IL34: variants seen among roughly 807,000 people sequenced by gnomAD.
IL34 encodes interleukin 34, also known as interleukin-34.
IL34 carries 17 observed loss-of-function variants against 25.3 expected under a neutral mutation model. That is an observed-to-expected ratio of 0.67 (90% CI 0.46 to 1.01). IL34 has a LOEUF of 1.01. Ranked by LOEUF, IL34 falls within the 50% of genes least tolerant of loss-of-function variation. The pLI is 0.00. For synonymous variants in IL34, 174 were observed against 140.9 expected, an observed-to-expected ratio of 1.23 and a Z score of -1.66; for missense variants, 368 against 312.9, an observed-to-expected ratio of 1.18 and a Z score of -1.33.
At chr16:70,640,780 G>T (rs929671116) in intron 1 of IL34, among the ~76,000 whole-genome samples, 1 of 151,918 alleles carries the variant, frequency 6.6e-6, no homozygotes, top group Non-Finnish European at 1.5e-5. Context: ...ATATACCAAC[G>T]CTTCATTCAG....
chr16:70,631,692 T>C (rs1355721888), intron 1 of IL34, among the ~76,000 whole-genome samples: 1 of 152,134 alleles, frequency 6.6e-6, no homozygotes, highest in Non-Finnish European at 1.5e-5. Context: ...GAAAAACCTT[T>C]AGGTTCTTGG....
intron 1 of IL34, among the ~76,000 whole-genome samples, chr16:70,612,930 GCC>G (rs1395710806): frequency 6.6e-6 from 1 of 152,074 alleles, no homozygotes. Context: ...GGATCACCAC[GCC>G]CAGCTAATTT....
At chr16:70,612,993 G>A (rs373079047) in intron 1 of IL34, among the ~76,000 whole-genome samples, 5 of 152,134 alleles carry the variant, frequency 3.3e-5, no homozygotes, top group East Asian at 3.9e-4. Context: ...GGCTGGTCTC[G>A]AACTCCTGAC....
chr16:70,607,379 C>T (rs1055114927), intron 1 of IL34, among the ~76,000 whole-genome samples: 1 of 152,210 alleles, frequency 6.6e-6, no homozygotes, highest in Non-Finnish European at 1.5e-5. Context: ...GCTGGGAGTA[C>T]AGGCATTGAG....
At chr16:70,642,717 T>C (rs1456497935), upstream of IL34, among the ~76,000 whole-genome samples, 3 of 152,194 alleles carry the variant, frequency 2.0e-5, no homozygotes, top group Non-Finnish European at 2.9e-5. Flanking sequence ...GGTTACAACT[T>C]CAACACATGT....
chr16:70,581,486 G>A (rs2050635784), intron 1 of IL34, among the ~76,000 whole-genome samples: 1 of 151,576 alleles, frequency 6.6e-6, no homozygotes, highest in Admixed American at 6.6e-5. Context: ...GAATACTCTG[G>A]GCCAAGGGCA....
chr16:70,643,097 C>T (rs1056276044), upstream of IL34, among the ~76,000 whole-genome samples: 1 of 152,142 alleles, frequency 6.6e-6, no homozygotes, highest in Non-Finnish European at 1.5e-5. Flanking sequence ...GGATCTCACT[C>T]TGTCACCCAG....
intron 1 of IL34, among the ~76,000 whole-genome samples, chr16:70,596,564 C>T (rs1417691390): frequency 6.6e-6 from 1 of 152,138 alleles, no homozygotes; most frequent in East Asian, 1.9e-4. Flanking sequence ...ACTGGCATCC[C>T]ATTTCCCACC....
At chr16:70,594,935 A>ATCTCTC (rs1195224912) in intron 1 of IL34, among the ~76,000 whole-genome samples, 1 of 145,278 alleles carries the variant, frequency 6.9e-6, no homozygotes, top group Admixed American at 6.8e-5. Context: ...ATTTCAATTT[A>ATCTCTC]TCTCTCTCTC....
At chr16:70,610,057 C>G (rs1416007262) in intron 1 of IL34, among the ~76,000 whole-genome samples, 1 of 152,114 alleles carries the variant, frequency 6.6e-6, no homozygotes, top group African/African-American at 2.4e-5. Flanking sequence ...CAAAAATTAG[C>G]CAGGTGTGGT....
chr16:70,605,692 T>C (rs146905847), intron 1 of IL34, among the ~76,000 whole-genome samples: 313 of 152,290 alleles, frequency 2.1e-3, no homozygotes, highest in Admixed American at 3.3e-3. Context: ...TTTTCTTTCA[T>C]GGAGTTTCAC....
At chr16:70,642,883 CAGAA>C (rs57090596), upstream of IL34, among the ~76,000 whole-genome samples, 32,206 of 151,726 alleles carry the variant, frequency 0.21, 5,470 homozygotes, top group African/African-American at 0.48. Context: ...TCCATAGAGA[CAGAA>C]AGAATATTAG....
chr16:70,598,126 A>C (rs2050851238), intron 1 of IL34, among the ~76,000 whole-genome samples: 1 of 152,130 alleles, frequency 6.6e-6, no homozygotes, highest in South Asian at 2.1e-4. Flanking sequence ...TATTACAGGC[A>C]TAAGGCACCG....
intron 1 of IL34, among the ~76,000 whole-genome samples, chr16:70,648,269 A>G (rs1289286734): frequency 6.6e-6 from 1 of 152,162 alleles, no homozygotes; most frequent in Non-Finnish European, 1.5e-5. Flanking sequence ...AATGAAAGGC[A>G]AGGGATGCTG....
chr16:70,646,838 A>T lies in IL34; in HGVS notation c.-110A>T. ...CTCCTCCAGGGCCAGCCCTTCCCTG[A>T]CTGAGTGACCACCTCTGCTGCCCCG... On this transcript the variant is annotated 5_prime_UTR_variant, in exon 1 of 6. Coordinates refer to ENST00000288098, the MANE Select transcript of IL34 (RefSeq NM_001393494.1). The T allele has an allele frequency of 2.8e-6, 3 of 1,084,786 alleles. No homozygotes were observed. The highest frequency in any genetic ancestry group is 1.7e-5 in the South Asian group (1 of 59,072). 67.2% of individuals were successfully genotyped at this position (1,084,786 alleles called of 1,614,324 possible).
intron 1 of IL34, among the ~76,000 whole-genome samples, chr16:70,589,638 T>G (rs984421206): frequency 6.6e-6 from 1 of 151,818 alleles, no homozygotes; most frequent in Non-Finnish European, 1.5e-5. Flanking sequence ...TTTTTTTTTT[T>G]TGAGACAGAG....
chr16:70,619,331 A>C lies in IL34; in HGVS notation c.-400-27217A>C, dbSNP rs145924661. Among the ~76,000 whole-genome samples, 1,453 of 151,820 alleles carry C rather than the reference A, an allele frequency of 9.6e-3. 12 individuals are homozygous for C. The highest frequency in any genetic ancestry group is 0.019 in the South Asian group (89 of 4,806). ...GGTTAAGGTGGGGGAATACAAGAGG[A>C]GACGCAAAGGAGGCTTTGGATTGGG... is the stretch of plus-strand genomic sequence containing the variant. On this transcript the variant is annotated intron_variant, in intron 1 of 6. Transcript: ENST00000429149.
At chr16:70,604,698 G>A (rs1212475136) in intron 1 of IL34, among the ~76,000 whole-genome samples, 1 of 152,226 alleles carries the variant, frequency 6.6e-6, no homozygotes, top group African/African-American at 2.4e-5. Flanking sequence ...TAAAATGTCA[G>A]GAGACAGAAA....
At chr16:70,609,709 C>A (rs1397888976) in intron 1 of IL34, among the ~76,000 whole-genome samples, 1 of 152,058 alleles carries the variant, frequency 6.6e-6, no homozygotes, top group Admixed American at 6.6e-5. Flanking sequence ...AGGGATTTAT[C>A]CTGCCTTGGT....
Sources: gnomAD v4.1 joint callset for allele counts (sites outside exome capture counted in the v4.1 genomes callset) on GRCh38, gnomAD v4.1.1 for gene constraint, MANE v1.5 for transcripts, NCBI Gene and HGNC (gene_info 2026-07-23, HGNC 2026-07-21) for gene names.